The following DPY19L1 variants were observed in gnomAD, a reference collection of about 807,000 sequenced individuals.
The protein encoded by DPY19L1 is dpy-19 like C-mannosyltransferase 1.
In DPY19L1, 35 loss-of-function variants were observed where a neutral mutation model predicts 96.9. That is an observed-to-expected ratio of 0.36 (90% CI 0.28 to 0.48). DPY19L1 has a LOEUF of 0.48. DPY19L1 is among the 20% of genes least tolerant of loss of function. The pLI is 0.99. For missense variants in DPY19L1, 521 were observed against 777.9 expected (o/e 0.67, Z 3.93); for synonymous variants, 205 against 252.6 (o/e 0.81, Z 1.79).
intron 1 of DPY19L1, among the ~76,000 whole-genome samples, chr7:35,019,112 T>C (rs1785929388): frequency 6.6e-6 from 1 of 152,024 alleles, no homozygotes; most frequent in African/African-American, 2.4e-5. Context: ...AGTAATAAAA[T>C]CAGTCTCATA....
upstream of DPY19L1, chr7:35,037,859 G>C: frequency 1.3e-5 from 16 of 1,235,380 alleles, no homozygotes; most frequent in Non-Finnish European, 1.6e-5. Context: ...GCGAGGACGC[G>C]GGGGCGGACG....
intron 14 of DPY19L1, among the ~76,000 whole-genome samples, chr7:34,947,924 G>A (rs1006164119): frequency 6.6e-6 from 1 of 152,142 alleles, no homozygotes; most frequent in East Asian, 1.9e-4. Flanking sequence ...ACACCTGTAA[G>A]TGTGAAATGT....
At chr7:34,994,100 C>T (rs535756780) in intron 6 of DPY19L1, among the ~76,000 whole-genome samples, 105 of 152,120 alleles carry the variant, frequency 6.9e-4, no homozygotes, top group African/African-American at 2.4e-3. Context: ...ATGTAAGAGT[C>T]AAGTACTAAA....
chr7:35,002,203 T>C (rs138382214), intron 6 of DPY19L1, among the ~76,000 whole-genome samples: 7 of 150,862 alleles, frequency 4.6e-5, no homozygotes, highest in Non-Finnish European at 8.8e-5. Flanking sequence ...GCCAAGGTTA[T>C]TCTGGGAGGG....
intron 14 of DPY19L1, among the ~76,000 whole-genome samples, chr7:34,948,079 A>C (rs1784189113): frequency 6.6e-6 from 1 of 151,930 alleles, no homozygotes; most frequent in East Asian, 1.9e-4. Context: ...ATTATCCTTG[A>C]AACACACACA....
chr7:34,951,343 C>T (rs546035999), intron 13 of DPY19L1, among the ~76,000 whole-genome samples: 300 of 152,032 alleles, frequency 2.0e-3, no homozygotes, highest in African/African-American at 6.9e-3. Context: ...ACACATTATC[C>T]TTGAACACAA....
intron 6 of DPY19L1, among the ~76,000 whole-genome samples, chr7:34,991,021 T>C (rs1392870654): frequency 2.0e-5 from 3 of 152,178 alleles, no homozygotes; most frequent in Non-Finnish European, 2.9e-5. Context: ...AGGAGACAGG[T>C]AGGGCTGGGA....
rs547315570 is a variant in DPY19L1 at position 35,017,317 on chromosome 7, C to T, written c.411+565G>A. On this transcript the variant is annotated intron_variant, in intron 3 of 21. Transcript: ENST00000638088. ...GACCATCCTGGCTAACAAGGTGAAACCCCGTCTCTACTAAAAAAATACAAA... is the reference window on the plus strand; with the variant it reads ...GACCATCCTGGCTAACAAGGTGAAATCCCGTCTCTACTAAAAAAATACAAA... Among the ~76,000 whole-genome samples, 7 of 151,280 alleles carry T rather than the reference C, an allele frequency of 4.6e-5. No homozygotes were observed. The South Asian group carries it at 1.5e-3, about 32-fold the overall frequency.
intron 7 of DPY19L1, among the ~76,000 whole-genome samples, chr7:34,976,272 A>C (rs1784827876): frequency 6.6e-6 from 1 of 152,242 alleles, no homozygotes; most frequent in African/African-American, 2.4e-5. Flanking sequence ...TGGGAGACTT[A>C]GATGGGCTCA....
chr7:35,035,587 A>G (rs1196230212), intron 1 of DPY19L1, among the ~76,000 whole-genome samples: 1 of 152,252 alleles, frequency 6.6e-6, no homozygotes, highest in Non-Finnish European at 1.5e-5. Context: ...ATCTCAAATC[A>G]GCATCACACA....
intron 6 of DPY19L1, among the ~76,000 whole-genome samples, chr7:35,001,009 T>C (rs539364537): frequency 6.6e-6 from 1 of 152,366 alleles, no homozygotes; most frequent in Admixed American, 6.5e-5. Flanking sequence ...ATCCCTACTC[T>C]GCCAGTGACT....
chr7:34,962,386 T>C (rs1649234), intron 10 of DPY19L1, among the ~76,000 whole-genome samples: 40,027 of 152,030 alleles, frequency 0.26, 5,491 homozygotes, highest in Non-Finnish European at 0.31. Flanking sequence ...CATGACACTA[T>C]ACAAAAGGCA....
intron 6 of DPY19L1, among the ~76,000 whole-genome samples, chr7:35,007,927 C>T (rs1357304518): frequency 1.6e-4 from 25 of 151,976 alleles, no homozygotes; most frequent in Non-Finnish European, 2.9e-5. Flanking sequence ...TAGGTTTCAA[C>T]CCAGTCAGTT....
chr7:35,018,714 T>A, intron 1 of DPY19L1, 118 bp from the exon 2 acceptor site: 1 of 897,308 alleles, frequency 1.1e-6, no homozygotes, highest in Non-Finnish European at 1.7e-6. Context: ...GAATACTGGG[T>A]CTTCAAAAAA....
intron 7 of DPY19L1, among the ~76,000 whole-genome samples, chr7:34,985,566 A>G (rs191113792): frequency 0.029 from 3,800 of 133,016 alleles, 59 homozygotes; most frequent in Non-Finnish European, 0.04. Flanking sequence ...CAGATATATG[A>G]AAAAAAAAAA....
chr7:35,013,895 T>A (rs1300337768), intron 3 of DPY19L1, among the ~76,000 whole-genome samples, 190 bp from the exon 4 acceptor site: 1 of 152,192 alleles, frequency 6.6e-6, no homozygotes, highest in Non-Finnish European at 1.5e-5. Flanking sequence ...CATAAATGCA[T>A]CTTAATTGAA....
At chr7:35,004,238 GC>G (rs1179307095) in intron 6 of DPY19L1, among the ~76,000 whole-genome samples, 1 of 152,194 alleles carries the variant, frequency 6.6e-6, no homozygotes, top group Admixed American at 6.5e-5. Flanking sequence ...GCTCCTGACA[GC>G]CTCAGAAAGT....
chr7:34,993,892 T>A (rs1167418634), intron 6 of DPY19L1, among the ~76,000 whole-genome samples: 2 of 150,254 alleles, frequency 1.3e-5, no homozygotes, highest in African/African-American at 4.9e-5. Context: ...AAACACTATC[T>A]CTACGAAAAT....
At chr7:35,027,414 A>C (rs1786150038) in intron 1 of DPY19L1, among the ~76,000 whole-genome samples, 1 of 152,070 alleles carries the variant, frequency 6.6e-6, no homozygotes, top group African/African-American at 2.4e-5. Flanking sequence ...TAGGTTTGGC[A>C]GTTTTAATTT....
Sources: gnomAD v4.1 joint callset for allele counts (sites outside exome capture counted in the v4.1 genomes callset) on GRCh38, gnomAD v4.1.1 for gene constraint, MANE v1.5 for transcripts, NCBI Gene and HGNC (gene_info 2026-07-23, HGNC 2026-07-21) for gene names.